PAFAH1B2: variants seen among roughly 807,000 people sequenced by gnomAD.
PAFAH1B2 encodes the protein platelet activating factor acetylhydrolase 1b catalytic subunit 2.
A neutral mutation model predicts 28.0 loss-of-function variants in PAFAH1B2; 8 were observed. The ratio of observed to expected loss-of-function variants is 0.29; its 90% CI spans 0.17 to 0.52. PAFAH1B2 has a LOEUF of 0.52. Ranked by LOEUF, PAFAH1B2 falls within the 20% of genes least tolerant of loss-of-function variation. PAFAH1B2 has a pLI of 0.97. For synonymous variants in PAFAH1B2, 104 were observed against 103.2 expected, an observed-to-expected ratio of 1.01 and a Z score of -0.05; for missense variants, 190 against 282.6, an observed-to-expected ratio of 0.67 and a Z score of 2.35.
Position 117,170,457 on chromosome 11 carries a change from T to A in PAFAH1B2, c.*2758T>A. ...CACGGGTGATCTAGGGCAGGCTGTCTTCCAGTCCATGTGTTCTCGGTCGCC... is the reference window on the plus strand; with the variant it reads ...CACGGGTGATCTAGGGCAGGCTGTCATCCAGTCCATGTGTTCTCGGTCGCC... On this transcript the variant is annotated 3_prime_UTR_variant, in exon 6 of 6. Coordinates refer to ENST00000527958, the MANE Select transcript of PAFAH1B2 (RefSeq NM_002572.4). 1 of 1,059,900 alleles carries A rather than the reference T, an allele frequency of 9.4e-7. No individual in the cohort carries two copies. Among genetic ancestry groups the A allele is most frequent in the Admixed American group, 5.4e-5 (1 of 18,412 alleles). 65.7% of individuals were successfully genotyped at this position (1,059,900 alleles called of 1,614,324 possible). A position where few individuals can be genotyped will look rare whatever the true frequency, so the allele number is the denominator to read the frequency against.
chr11:117,170,601 C>G lies in PAFAH1B2; in HGVS notation c.*2902C>G, dbSNP rs528321169. 2 of 1,053,336 alleles carry G rather than the reference C, an allele frequency of 1.9e-6. No individual in the cohort carries two copies. The highest frequency in any genetic ancestry group is 1.7e-5 in the African/African-American group (1 of 58,232). The allele number at this position is 1,053,336 out of a possible 1,614,324, so 65.2% of individuals were successfully genotyped here. ...AAAACAAATCTTGAGTAGCTCATGC[C>G]CGGCTCTTAGGAATTTTGTCTGTTT... On this transcript the variant is annotated 3_prime_UTR_variant, in exon 6 of 6. Coordinates refer to ENST00000527958, the MANE Select transcript of PAFAH1B2 (RefSeq NM_002572.4).
At chr11:117,163,608 G>A (rs1231564887) in intron 4 of PAFAH1B2, among the ~76,000 whole-genome samples, 162 bp from the exon 5 acceptor site, 1 of 151,978 alleles carries the variant, frequency 6.6e-6, no homozygotes, top group East Asian at 1.9e-4. Flanking sequence ...GGGAGGCGGA[G>A]GTTGCAGTGA....
chr11:117,147,339 A>G (rs1370918372), intron 1 of PAFAH1B2, among the ~76,000 whole-genome samples: 1 of 152,192 alleles, frequency 6.6e-6, no homozygotes, highest in Non-Finnish European at 1.5e-5. Flanking sequence ...GCTGGAGTGC[A>G]GTGGCGCACC....
chr11:117,149,033 A>ATTTTTT (rs71037462), intron 1 of PAFAH1B2, among the ~76,000 whole-genome samples: 79 of 118,246 alleles, frequency 6.7e-4, no homozygotes, highest in Non-Finnish European at 9.5e-4. Context: ...ACACCTGCCA[A>ATTTTTT]TTTTTTTTTT....
downstream of PAFAH1B2, among the ~76,000 whole-genome samples, chr11:117,172,385 TATATA>T (rs1956683831): frequency 4.4e-4 from 1 of 2,278 alleles, no homozygotes; most frequent in Non-Finnish European, 9.1e-4. Flanking sequence ...TATATATATA[TATATA>T]TATATATATA....
intron 1 of PAFAH1B2, among the ~76,000 whole-genome samples, chr11:117,149,119 G>A (rs1315691152): frequency 6.7e-6 from 1 of 149,172 alleles, no homozygotes; most frequent in Non-Finnish European, 1.5e-5. Context: ...CTGACCTCAG[G>A]TAATCTACCT....
chr11:117,156,389 G>A (rs777872834), intron 2 of PAFAH1B2, among the ~76,000 whole-genome samples: 1 of 152,116 alleles, frequency 6.6e-6, no homozygotes, highest in Non-Finnish European at 1.5e-5. Flanking sequence ...CACAAATTAT[G>A]TACTTTCTTA....
chr11:117,160,135 C>G, intron 3 of PAFAH1B2, 112 bp downstream of exon 3: 5 of 784,714 alleles, frequency 6.4e-6, no homozygotes, highest in Non-Finnish European at 1.1e-5. Flanking sequence ...TAGAGAAGCC[C>G]TAATTGAGGT....
chr11:117,164,713 A>G (rs1257904173), intron 5 of PAFAH1B2, among the ~76,000 whole-genome samples: 2 of 152,020 alleles, frequency 1.3e-5, no homozygotes, highest in Non-Finnish European at 2.9e-5. Flanking sequence ...ATGGTCTCAA[A>G]GGTGAACAGC....
rs1270925665 is a variant in PAFAH1B2 at position 117,144,516 on chromosome 11, C to T, written c.-8+98C>T. 6 of 179,522 alleles carry T rather than the reference C, an allele frequency of 3.3e-5. No individual in the cohort carries two copies. The Admixed American group carries it at 3.7e-4, about 11-fold the overall frequency. The allele number at this position is 179,522 out of a possible 1,614,324, so 11.1% of individuals were successfully genotyped here. On this transcript the variant is annotated intron_variant, in intron 1 of 5. Coordinates refer to ENST00000527958, the MANE Select transcript of PAFAH1B2 (RefSeq NM_002572.4). The stretch of plus-strand genomic sequence containing the variant: ...GTGAGAGGCCCGCGACCTCCCCTCC[C>T]CCACCCTTGCGGCCCCTCCCCCCAC...
In PAFAH1B2 at chr11:117,160,034, AAGGG is replaced by A. The variant is rs771574481; in HGVS notation, c.171+13_171+16del. 4.4e-6 allele frequency: 7 copies of A among 1,589,626 alleles called. No individual in the cohort carries two copies. In the African/African-American group the frequency reaches 9.4e-5, roughly 21 times the overall value. On this transcript the variant is annotated intron_variant, in intron 3 of 5. Transcript: ENST00000527958. ...ATGCAGCAATATGAGGTAAAGGTGG[AAGGG>A]ATGAGCGTGGTTCTTGGCTACTCAT...
Position 117,170,555 on chromosome 11 carries a change from T to G in PAFAH1B2, c.*2856T>G. 1 of 1,059,470 alleles carries G rather than the reference T, an allele frequency of 9.4e-7. No individual in the cohort carries two copies. Among genetic ancestry groups the G allele is most frequent in the Non-Finnish European group, 1.1e-6 (1 of 876,270 alleles). The allele number at this position is 1,059,470 out of a possible 1,614,324, so 65.6% of individuals were successfully genotyped here. On this transcript the variant is annotated 3_prime_UTR_variant, in exon 6 of 6. Coordinates refer to ENST00000527958, the MANE Select transcript of PAFAH1B2 (RefSeq NM_002572.4). ...GGCATCTGCCTAAACCAGAATCTTT[T>G]GTCAGAAACCTTAACCCAACAAAAC...
chr11:117,175,351 C>T (rs1405825423), downstream of PAFAH1B2: 1 of 1,069,450 alleles, frequency 9.4e-7, no homozygotes. Context: ...TCCCAGTGGA[C>T]AGACCTCAGA....
intron 4 of PAFAH1B2, among the ~76,000 whole-genome samples, chr11:117,161,649 C>T (rs1318788809): frequency 6.6e-6 from 1 of 151,924 alleles, no homozygotes; most frequent in Non-Finnish European, 1.5e-5. Flanking sequence ...GCTGGGATTA[C>T]AGGCGCCGCC....
chr11:117,163,177 G>A (rs1490141489), intron 4 of PAFAH1B2, among the ~76,000 whole-genome samples: 1 of 152,172 alleles, frequency 6.6e-6, no homozygotes, highest in Admixed American at 6.5e-5. Context: ...GATGCATTAA[G>A]ATTTCTGCCC....
Position 117,169,789 on chromosome 11 carries a change from G to C in PAFAH1B2, c.*2090G>C, listed in dbSNP as rs77678768. The C allele has an allele frequency of 0.057, 60,275 of 1,055,838 alleles. 1,748 individuals are homozygous for C. The highest frequency in any genetic ancestry group is 0.098 in the Middle Eastern group (228 of 2,332). The allele number at this position is 1,055,838 out of a possible 1,614,324, so 65.4% of individuals were successfully genotyped here. A position where few individuals can be genotyped will look rare whatever the true frequency, so the allele number is the denominator to read the frequency against. ...TTGTATAGCAAGAAGAATTAAGCCA[G>C]ATTTTTGTGTGTGGAAAGACAGTTT... is the stretch of plus-strand genomic sequence containing the variant. On this transcript the variant is annotated 3_prime_UTR_variant, in exon 6 of 6. Transcript: ENST00000527958.
At chr11:117,172,223 C>G (rs2134229982), downstream of PAFAH1B2, among the ~76,000 whole-genome samples, 1 of 152,096 alleles carries the variant, frequency 6.6e-6, no homozygotes, top group Non-Finnish European at 1.5e-5. Context: ...GAGATGAAAT[C>G]TTAACCCAAT....
intron 4 of PAFAH1B2, among the ~76,000 whole-genome samples, chr11:117,163,155 G>A (rs1956412155): frequency 6.6e-6 from 1 of 151,714 alleles, no homozygotes; most frequent in African/African-American, 2.4e-5. Context: ...TATATGATAG[G>A]AGGCATAAAT....
At chr11:117,172,903 A>G (rs1189943088), downstream of PAFAH1B2, among the ~76,000 whole-genome samples, 2 of 152,110 alleles carry the variant, frequency 1.3e-5, no homozygotes, top group Non-Finnish European at 2.9e-5. Flanking sequence ...AGGGTTCGCC[A>G]TGTTTACCAG....
Sources: gnomAD v4.1 joint callset for allele counts (sites outside exome capture counted in the v4.1 genomes callset) on GRCh38, gnomAD v4.1.1 for gene constraint, MANE v1.5 for transcripts, NCBI Gene and HGNC (gene_info 2026-07-23, HGNC 2026-07-21) for gene names.